The following FLI1 variants were observed in gnomAD, a reference collection of about 807,000 sequenced individuals.
The protein encoded by FLI1 is Friend leukemia integration 1 transcription factor.
Under a neutral mutation model 53.1 loss-of-function variants are expected in FLI1, and 13 were observed. The observed-to-expected ratio is 0.24, with a 90% CI of 0.16 to 0.39. The LOEUF is 0.39. Among genes scored for constraint, FLI1 ranks in the 10% least tolerant of loss-of-function variants. The pLI is 1.00. For synonymous variants in FLI1, 244 were observed against 236.7 expected, an observed-to-expected ratio of 1.03 and a Z score of -0.28; for missense variants, 424 against 600.5, an observed-to-expected ratio of 0.71 and a Z score of 3.07.
intron 4 of FLI1, among the ~76,000 whole-genome samples, chr11:128,774,084 T>A (rs751006191): frequency 2.0e-4 from 31 of 152,138 alleles, no homozygotes; most frequent in Non-Finnish European, 3.5e-4. Flanking sequence ...TGAGCTCTGT[T>A]TGCTCGCCAT....
At chr11:128,783,388 T>C (rs1425235372) in intron 5 of FLI1, among the ~76,000 whole-genome samples, 2 of 152,228 alleles carry the variant, frequency 1.3e-5, no homozygotes, top group East Asian at 3.8e-4. Flanking sequence ...GTGGAAGAAT[T>C]ATACAACATA....
chr11:128,748,910 G>C (rs867834962), intron 1 of FLI1, among the ~76,000 whole-genome samples: 5 of 152,156 alleles, frequency 3.3e-5, no homozygotes, highest in Non-Finnish European at 7.4e-5. Flanking sequence ...GATAGTAAAA[G>C]TTCCTTGGAA....
chr11:128,713,445 G>A (rs749336674), intron 1 of FLI1, among the ~76,000 whole-genome samples: 2 of 152,150 alleles, frequency 1.3e-5, no homozygotes, highest in African/African-American at 4.8e-5. Flanking sequence ...TGAACAAAGT[G>A]AGTGAGTTAC....
At chr11:128,718,239 A>C (rs1031865505) in intron 1 of FLI1, among the ~76,000 whole-genome samples, 1 of 152,212 alleles carries the variant, frequency 6.6e-6, no homozygotes, top group Admixed American at 6.5e-5. Context: ...CAGGGCAGCT[A>C]TTATGATTCA....
Position 128,758,207 on chromosome 11 carries a change from G to T in FLI1, c.111G>T (p.Ser37=). 6.2e-7 allele frequency: 1 copy of T among 1,613,154 alleles called. No homozygotes were observed. Among genetic ancestry groups the T allele is most frequent in the Non-Finnish European group, 8.5e-7 (1 of 1,179,560 alleles). The change falls in exon 2 of 9, where the codon TCG becomes TCT. Residue 37 remains serine (S), a synonymous_variant. Coordinates refer to ENST00000527786, the MANE Select transcript of FLI1 (RefSeq NM_002017.5). ...AHLPKADMTA[S]GSPDYGQPHK... is the part of the protein sequence containing the mutation. ...TCCCCAAGGCCGACATGACTGCCTC[G>T]GGGAGTCCTGACTACGGGCAGCCCC...
At chr11:128,719,356 C>CGTGCGTGT in intron 1 of FLI1, among the ~76,000 whole-genome samples, 1 of 145,304 alleles carries the variant, frequency 6.9e-6, no homozygotes, top group East Asian at 2.0e-4. Context: ...CCCCTTTTCC[C>CGTGCGTGT]GTGTGTGTGT....
At chr11:128,745,335 G>A (rs1330485450) in intron 1 of FLI1, among the ~76,000 whole-genome samples, 1 of 152,130 alleles carries the variant, frequency 6.6e-6, no homozygotes, top group African/African-American at 2.4e-5. Flanking sequence ...AGACGGCCCT[G>A]GCTGCCGAGC....
upstream of FLI1, chr11:128,693,717 C>A (rs574514488): frequency 2.1e-3 from 496 of 233,278 alleles, no homozygotes; most frequent in Non-Finnish European, 3.7e-3. Context: ...GGAATCAGGG[C>A]GCGGACGCTG....
At chr11:128,762,205 T>C (rs1941147733) in intron 2 of FLI1, among the ~76,000 whole-genome samples, 1 of 152,262 alleles carries the variant, frequency 6.6e-6, no homozygotes. Context: ...GTGCTTCTCC[T>C]ATCCTCTGAG....
chr11:128,800,280 G>C (rs1191138674), intron 5 of FLI1, among the ~76,000 whole-genome samples: 2 of 152,178 alleles, frequency 1.3e-5, no homozygotes, highest in African/African-American at 2.4e-5. Flanking sequence ...CTTCTTAGCA[G>C]CAACCAGAAA....
chr11:128,732,676 T>C (rs1350547357), intron 1 of FLI1, among the ~76,000 whole-genome samples: 28 of 152,214 alleles, frequency 1.8e-4, no homozygotes, highest in Non-Finnish European at 4.0e-4. Flanking sequence ...CTTTTTTACA[T>C]GACATTTACA....
At chr11:128,698,175 G>C (rs775079202) in intron 1 of FLI1, among the ~76,000 whole-genome samples, 1 of 152,238 alleles carries the variant, frequency 6.6e-6, no homozygotes, top group African/African-American at 2.4e-5. Flanking sequence ...TCTGGACAAG[G>C]TTTGGAAGAA....
At chr11:128,800,531 C>T (rs912196521) in intron 5 of FLI1, among the ~76,000 whole-genome samples, 1 of 152,116 alleles carries the variant, frequency 6.6e-6, no homozygotes, top group Non-Finnish European at 1.5e-5. Flanking sequence ...ATTTCTAGGA[C>T]CAGGTTAAAA....
At chr11:128,778,965 C>T (rs1207848507) in intron 4 of FLI1, among the ~76,000 whole-genome samples, 2 of 152,214 alleles carry the variant, frequency 1.3e-5, no homozygotes, top group Non-Finnish European at 2.9e-5. Flanking sequence ...CCAGATGCCC[C>T]CAACCAGCCC....
At chr11:128,795,208 T>G (rs1455857354) in intron 5 of FLI1, among the ~76,000 whole-genome samples, 1 of 152,226 alleles carries the variant, frequency 6.6e-6, no homozygotes, top group Non-Finnish European at 1.5e-5. Context: ...TCCAACACAC[T>G]CTTCAAAACC....
upstream of FLI1, among the ~76,000 whole-genome samples, chr11:128,692,452 C>T (rs1218589600): frequency 2.0e-5 from 3 of 147,186 alleles, no homozygotes; most frequent in Non-Finnish European, 4.5e-5. Context: ...ACCCCCACCC[C>T]CAACACGCAC....
chr11:128,774,291 T>G (rs917662964), intron 4 of FLI1, among the ~76,000 whole-genome samples: 2 of 152,108 alleles, frequency 1.3e-5, no homozygotes, highest in African/African-American at 4.8e-5. Context: ...AGAAAGTAGA[T>G]GATGCAGTAT....
chr11:128,735,686 G>A (rs764023555), intron 1 of FLI1, among the ~76,000 whole-genome samples: 1 of 152,222 alleles, frequency 6.6e-6, no homozygotes, highest in South Asian at 2.1e-4. Context: ...CTAGGTAGCT[G>A]AGTGAACCAG....
chr11:128,701,989 A>C (rs977658364), intron 1 of FLI1, among the ~76,000 whole-genome samples: 19 of 152,246 alleles, frequency 1.2e-4, no homozygotes, highest in African/African-American at 4.6e-4. Flanking sequence ...AGTACCATTC[A>C]TGTAGCAAAA....
Sources: allele counts gnomAD v4.1 joint callset (sites outside exome capture counted in the v4.1 genomes callset), GRCh38; gene constraint gnomAD v4.1.1; transcripts MANE v1.5; gene names NCBI Gene and HGNC (gene_info 2026-07-23, HGNC 2026-07-21).